The following RBFOX1 variants were observed in gnomAD, a reference collection of about 807,000 sequenced individuals.
The protein encoded by RBFOX1 is RNA binding protein fox-1 homolog 1.
RBFOX1 carries 8 observed loss-of-function variants against 57.7 expected under a neutral mutation model. The observed-to-expected ratio is 0.14, with a 90% confidence interval of 0.08 to 0.25. The LOEUF is 0.25. Among genes scored for constraint, RBFOX1 ranks in the 10% least tolerant of loss-of-function variants. The pLI, the probability that RBFOX1 is intolerant of heterozygous loss-of-function variation, is 1.00. For synonymous variants in RBFOX1, 326 were observed against 222.4 expected (o/e 1.47, Z -4.15); for missense variants, 611 against 548.5 (o/e 1.11, Z -1.14).
intron 4 of RBFOX1, among the ~76,000 whole-genome samples, chr16:5,978,430 T>C (rs1052893733): frequency 1.3e-5 from 2 of 152,224 alleles, no homozygotes; most frequent in African/African-American, 2.4e-5. Context: ...ACCCTACATA[T>C]GGTTTTCCCG....
intron 12 of RBFOX1, among the ~76,000 whole-genome samples, chr16:7,655,105 T>C (rs2065977882): frequency 6.6e-6 from 1 of 152,178 alleles, no homozygotes; most frequent in South Asian, 2.1e-4. Context: ...TTTCAGAAAA[T>C]CTACATTAGC....
chr16:6,366,389 G>A (rs1044919812), intron 2 of RBFOX1, among the ~76,000 whole-genome samples: 2 of 151,946 alleles, frequency 1.3e-5, no homozygotes, highest in Non-Finnish European at 2.9e-5. Context: ...AAATTCCTCT[G>A]ACATTTCTCA....
At chr16:7,528,364 C>G (rs2079175806) in intron 5 of RBFOX1, among the ~76,000 whole-genome samples, 1 of 152,170 alleles carries the variant, frequency 6.6e-6, no homozygotes, top group Non-Finnish European at 1.5e-5. Flanking sequence ...CTTCAAACAC[C>G]CAAATCCATC....
intron 3 of RBFOX1, among the ~76,000 whole-genome samples, chr16:5,714,664 T>G (rs1238453130): frequency 6.6e-6 from 1 of 152,342 alleles, no homozygotes; most frequent in East Asian, 1.9e-4. Flanking sequence ...TCATTTGTCA[T>G]CTCTGCAAGA....
chr16:6,383,308 C>G (rs1191708024), intron 2 of RBFOX1, among the ~76,000 whole-genome samples: 1 of 152,214 alleles, frequency 6.6e-6, no homozygotes, highest in Non-Finnish European at 1.5e-5. Context: ...GTTGACTCTC[C>G]TCTTTGTCAG....
intron 2 of RBFOX1, among the ~76,000 whole-genome samples, chr16:5,532,940 T>C (rs979470860): frequency 3.3e-5 from 5 of 151,728 alleles, no homozygotes; most frequent in Non-Finnish European, 1.5e-5. Flanking sequence ...GATTTTAGAA[T>C]GCTTCCTACA....
chr16:7,420,334 T>G (rs2098528434), intron 4 of RBFOX1, among the ~76,000 whole-genome samples: 1 of 152,174 alleles, frequency 6.6e-6, no homozygotes, highest in African/African-American at 2.4e-5. Flanking sequence ...ATCTTATGCT[T>G]AGGCTTAAGA....
At chr16:7,671,366 G>C (rs1015347477) in intron 13 of RBFOX1, among the ~76,000 whole-genome samples, 1 of 152,182 alleles carries the variant, frequency 6.6e-6, no homozygotes, top group African/African-American at 2.4e-5. Flanking sequence ...CTCCATTGCA[G>C]AGATTTGCAA....
intron 4 of RBFOX1, among the ~76,000 whole-genome samples, chr16:7,222,988 G>C (rs913155358): frequency 6.6e-6 from 1 of 152,148 alleles, no homozygotes; most frequent in African/African-American, 2.4e-5. Flanking sequence ...CATCTGGGCT[G>C]CATGGTCAGA....
At chr16:7,204,107 T>C (rs894509401) in intron 4 of RBFOX1, among the ~76,000 whole-genome samples, 3 of 152,112 alleles carry the variant, frequency 2.0e-5, no homozygotes, top group Non-Finnish European at 4.4e-5. Flanking sequence ...CCATGGGAGG[T>C]GGGAAATCCA....
chr16:5,751,560 CTCT>C (rs1408185966), intron 3 of RBFOX1, among the ~76,000 whole-genome samples: 1 of 152,092 alleles, frequency 6.6e-6, no homozygotes, highest in Admixed American at 6.6e-5. Context: ...GGAGGATGAA[CTCT>C]AGGAATCAGA....
At chr16:7,452,756 C>G (rs1235835052) in intron 4 of RBFOX1, among the ~76,000 whole-genome samples, 1 of 152,046 alleles carries the variant, frequency 6.6e-6, no homozygotes, top group African/African-American at 2.4e-5. Flanking sequence ...ATCATGGCTG[C>G]CAAGACCATG....
intron 2 of RBFOX1, among the ~76,000 whole-genome samples, chr16:6,623,672 C>T (rs931092076): frequency 9.2e-5 from 14 of 151,856 alleles, no homozygotes; most frequent in African/African-American, 3.1e-4. Flanking sequence ...TCAGTTCTCA[C>T]CTATGAGTGA....
chr16:5,469,656 G>A (rs1308992718), intron 2 of RBFOX1, among the ~76,000 whole-genome samples: 2 of 152,052 alleles, frequency 1.3e-5, no homozygotes, highest in African/African-American at 4.8e-5. Flanking sequence ...CCATTAAGCA[G>A]TCACTCCCCC....
chr16:6,987,905 T>G (rs1222800174), intron 3 of RBFOX1, among the ~76,000 whole-genome samples: 1 of 152,138 alleles, frequency 6.6e-6, no homozygotes, highest in Non-Finnish European at 1.5e-5. Context: ...AGAAATGAAA[T>G]GTTTATGATG....
At chr16:7,064,619 G>A (rs1451532309) in intron 4 of RBFOX1, among the ~76,000 whole-genome samples, 2 of 152,124 alleles carry the variant, frequency 1.3e-5, no homozygotes, top group Non-Finnish European at 2.9e-5. Flanking sequence ...CAGACTTCTG[G>A]CCTCCAGCAC....
chr16:5,645,577 T>C (rs1166001235), intron 3 of RBFOX1, among the ~76,000 whole-genome samples: 1 of 152,252 alleles, frequency 6.6e-6, no homozygotes, highest in Non-Finnish European at 1.5e-5. Flanking sequence ...TTTGCTTCAA[T>C]TAAAAAGAGT....
At chr16:5,503,043 C>A (rs964000560) in intron 2 of RBFOX1, among the ~76,000 whole-genome samples, 1 of 152,220 alleles carries the variant, frequency 6.6e-6, no homozygotes, top group Non-Finnish European at 1.5e-5. Context: ...TCAGATGCCC[C>A]ATGCAAGTGT....
chr16:7,490,024 C>T (rs2066508176), intron 4 of RBFOX1, among the ~76,000 whole-genome samples: 1 of 152,076 alleles, frequency 6.6e-6, no homozygotes, highest in Non-Finnish European at 1.5e-5. Flanking sequence ...GAAAGGTAGA[C>T]CTGTGTCTCC....
Sources: allele counts gnomAD v4.1 joint callset (sites outside exome capture counted in the v4.1 genomes callset), GRCh38; gene constraint gnomAD v4.1.1; transcripts MANE v1.5; gene names NCBI Gene and HGNC (gene_info 2026-07-23, HGNC 2026-07-21).